PFKP: variants seen among roughly 807,000 people sequenced by gnomAD.
The protein encoded by PFKP is phosphofructokinase, platelet.
In PFKP, 101 loss-of-function variants were observed where a neutral mutation model predicts 94.3. That is an observed-to-expected ratio of 1.07 (90% confidence interval 0.91 to 1.26). PFKP has a LOEUF of 1.26. PFKP is among the 50% of genes most tolerant of loss of function. The probability of loss-of-function intolerance (pLI) is 0.00; values close to 1 mark genes in which losing one functional copy is unlikely to be tolerated. For missense variants in PFKP, 1,145 were observed against 1,103.3 expected (o/e 1.04, Z -0.53); for synonymous variants, 573 against 432.6 (o/e 1.32, Z -4.03).
At chr10:3,135,920 C>T in intron 21 of PFKP, 82 bp downstream of exon 21, 1 of 829,880 alleles carries the variant, frequency 1.2e-6, no homozygotes, top group Non-Finnish European at 2.0e-6. Flanking sequence ...TTGCTGTCGG[C>T]AACTCATTCA....
intron 12 of PFKP, 63 bp from the exon 13 acceptor site, chr10:3,113,309 T>C (rs1249439175): frequency 1.3e-6 from 2 of 1,578,802 alleles, no homozygotes; most frequent in Admixed American, 1.7e-5. Context: ...ACTGCCAAAG[T>C]GTGCAGCAAA....
Position 3,113,173 on chromosome 10 carries a change from T to C in PFKP, c.1209T>C (p.Asp403=). The change falls in exon 12 of 22, where the codon GAT becomes GAC. Residue 403 remains aspartate (D), a synonymous_variant. Coordinates refer to ENST00000381125, the MANE Select transcript of PFKP (RefSeq NM_002627.5). ...AGCGACTTGCCATCAAGCTGCCGGA[T>C]GATCAGATCCCAAAGGTAGGTGGCC... The part of the protein sequence containing the change: ...TYKRLAIKLP[D]DQIPKTNCNV... 1 of 1,612,478 alleles carries C rather than the reference T, an allele frequency of 6.2e-7. No individual in the cohort carries two copies. The highest frequency in any genetic ancestry group is 8.5e-7 in the Non-Finnish European group (1 of 1,179,358).
intron 2 of PFKP, among the ~76,000 whole-genome samples, chr10:3,087,027 C>A (rs904149760): frequency 6.6e-6 from 1 of 151,458 alleles, no homozygotes; most frequent in Non-Finnish European, 1.5e-5. Flanking sequence ...GGCTGGAGTG[C>A]AGTGGTGTGA....
intron 2 of PFKP, among the ~76,000 whole-genome samples, chr10:3,086,205 C>T (rs532319434): frequency 2.6e-5 from 4 of 152,268 alleles, no homozygotes; most frequent in South Asian, 2.1e-4. Context: ...GTGATTTTCA[C>T]GGCTGCTCCT....
chr10:3,129,576 C>T (rs1382295281), intron 16 of PFKP: 4 of 509,690 alleles, frequency 7.8e-6, no homozygotes, highest in African/African-American at 2.0e-5. Flanking sequence ...TGGCCAGGCC[C>T]CCAAAACGGG....
intron 16 of PFKP, among the ~76,000 whole-genome samples, chr10:3,123,113 T>G (rs528635828): frequency 6.6e-6 from 1 of 152,158 alleles, no homozygotes; most frequent in Non-Finnish European, 1.5e-5. Flanking sequence ...TGAGTGGTCC[T>G]CCGGGCAGAG....
intron 16 of PFKP, among the ~76,000 whole-genome samples, chr10:3,121,764 G>A (rs965359721): frequency 9.2e-5 from 13 of 141,948 alleles, no homozygotes; most frequent in African/African-American, 3.1e-4. Flanking sequence ...TCATTCATTC[G>A]AGTTTCTCGA....
At chr10:3,122,036 G>T (rs1208497062) in intron 16 of PFKP, among the ~76,000 whole-genome samples, 1 of 149,352 alleles carries the variant, frequency 6.7e-6, no homozygotes, top group African/African-American at 2.5e-5. Flanking sequence ...TGCCCAGGCT[G>T]GTCTCAAAAC....
chr10:3,118,708 G>T (rs1311073275), intron 14 of PFKP, 74 bp from the exon 15 acceptor site: 8 of 1,019,438 alleles, frequency 7.8e-6, no homozygotes, highest in Non-Finnish European at 1.2e-5. Context: ...GGCCGGGTGG[G>T]GACCGGCGTG....
chr10:3,133,419 C>A (rs1051543725), intron 19 of PFKP, 105 bp downstream of exon 19: 1 of 782,052 alleles, frequency 1.3e-6, no homozygotes, highest in African/African-American at 1.7e-5. Context: ...TAAGTAAATT[C>A]CAAGATGATA....
intron 16 of PFKP, among the ~76,000 whole-genome samples, chr10:3,121,803 C>CTTTTTTTTTTT (rs759926178): frequency 0.059 from 1,912 of 32,354 alleles, 97 homozygotes; most frequent in Middle Eastern, 0.08. Flanking sequence ...CTTTTTTTTT[C>CTTTTTTTTTTT]TTTTTTTTTT....
chr10:3,096,161 C>T (rs1203182871), intron 2 of PFKP, among the ~76,000 whole-genome samples: 2 of 152,140 alleles, frequency 1.3e-5, no homozygotes, highest in African/African-American at 4.8e-5. Context: ...GTATGGTTCC[C>T]ACTATGGCAT....
intron 4 of PFKP, among the ~76,000 whole-genome samples, chr10:3,103,368 C>T (rs1835208839): frequency 6.6e-6 from 1 of 152,154 alleles, no homozygotes; most frequent in African/African-American, 2.4e-5. Flanking sequence ...AAAGAATCGG[C>T]CAGGGCAGTG....
At chr10:3,067,935 G>A (rs1240370485) in intron 1 of PFKP, among the ~76,000 whole-genome samples, 4 of 152,176 alleles carry the variant, frequency 2.6e-5, no homozygotes, top group South Asian at 2.1e-4. Flanking sequence ...GGGGCGGCAT[G>A]AGCCGGCGAG....
intron 16 of PFKP, among the ~76,000 whole-genome samples, chr10:3,120,369 CTG>C (rs3841457): frequency 0.022 from 2,437 of 108,546 alleles, 36 homozygotes; most frequent in Middle Eastern, 0.098. Context: ...TTAAAAATCG[CTG>C]TGTGTGTGTG....
rs141798337 is a variant in PFKP, at chr10:3,104,358, G to A, written c.620+414G>A. On this transcript the variant is annotated intron_variant, in intron 5 of 21. Coordinates refer to ENST00000381125, the MANE Select transcript of PFKP (RefSeq NM_002627.5). ...TCGTGGGGGCCACAGCGTTTGATCC[G>A]AGGTGCTCTAGGCTCAGCAGGTTAT... 5.4e-3 allele frequency among the ~76,000 whole-genome samples: 816 copies of A among 152,326 alleles called. 6 individuals carry two copies. The highest frequency in any genetic ancestry group is 0.018 in the African/African-American group (728 of 41,582).
At chr10:3,068,243 G>T (rs1194041422) in intron 1 of PFKP, among the ~76,000 whole-genome samples, 2 of 152,128 alleles carry the variant, frequency 1.3e-5, no homozygotes, top group Non-Finnish European at 2.9e-5. Context: ...GTCCCCGCGC[G>T]CCTCCTGTCG....
At chr10:3,103,292 C>G (rs755145698) in intron 4 of PFKP, among the ~76,000 whole-genome samples, 2 of 152,184 alleles carry the variant, frequency 1.3e-5, no homozygotes, top group Non-Finnish European at 2.9e-5. Flanking sequence ...GTAACTGCTG[C>G]CAGCTTTGTC....
At chr10:3,102,028 GA>G (rs1363772212) in intron 4 of PFKP, among the ~76,000 whole-genome samples, 5 of 150,522 alleles carry the variant, frequency 3.3e-5, no homozygotes, top group African/African-American at 1.2e-4. Flanking sequence ...GAGGCGGGCG[GA>G]TCACGAGGTC....
Sources: allele counts gnomAD v4.1 joint callset (sites outside exome capture counted in the v4.1 genomes callset), GRCh38; gene constraint gnomAD v4.1.1; transcripts MANE v1.5; gene names NCBI Gene and HGNC (gene_info 2026-07-23, HGNC 2026-07-21).